Variants in DDX10 observed in about 807,000 individuals in gnomAD.
The protein encoded by DDX10 is DEAD-box helicase 10.
A neutral mutation model predicts 104.3 loss-of-function variants in DDX10; 74 were observed. That is an observed-to-expected ratio of 0.71 (90% CI 0.59 to 0.86). DDX10 has a LOEUF of 0.86. DDX10 is among the 40% of genes least tolerant of loss of function. The probability of loss-of-function intolerance (pLI) is 0.00; values close to 1 mark genes in which losing one functional copy is unlikely to be tolerated. For missense variants in DDX10, 952 were observed against 1,040.0 expected (o/e 0.92, Z 1.16); for synonymous variants, 351 against 353.4 (o/e 0.99, Z 0.08).
intron 7 of DDX10, 38 bp from the exon 8 acceptor site, chr11:108,691,838 C>A (rs1423123334): frequency 6.3e-7 from 1 of 1,581,070 alleles, no homozygotes; most frequent in East Asian, 2.3e-5. Context: ...TTGCTGCCAT[C>A]TGCCATAAGC....
chr11:108,666,461 C>A (rs2094210296), intron 1 of DDX10, among the ~76,000 whole-genome samples: 1 of 152,162 alleles, frequency 6.6e-6, no homozygotes, highest in Non-Finnish European at 1.5e-5. Context: ...GACTGGGTGA[C>A]ATGAGTGAGA....
At chr11:108,718,804 T>C (rs866020551) in intron 11 of DDX10, among the ~76,000 whole-genome samples, 1 of 152,226 alleles carries the variant, frequency 6.6e-6, no homozygotes, top group Non-Finnish European at 1.5e-5. Flanking sequence ...GATAAGCAAC[T>C]GAGGTGATTG....
intron 13 of DDX10, among the ~76,000 whole-genome samples, chr11:108,791,187 G>C (rs550074230): frequency 6.6e-6 from 1 of 152,322 alleles, no homozygotes; most frequent in South Asian, 2.1e-4. Context: ...CAGCTACCAT[G>C]CTGTGGGAAA....
intron 13 of DDX10, among the ~76,000 whole-genome samples, chr11:108,756,184 A>T (rs1327740875): frequency 6.6e-6 from 1 of 151,994 alleles, no homozygotes; most frequent in African/African-American, 2.4e-5. Flanking sequence ...ACTTTATCTA[A>T]TGTGATTTGT....
chr11:108,725,706 A>G (rs374528709), intron 13 of DDX10, among the ~76,000 whole-genome samples: 1 of 152,070 alleles, frequency 6.6e-6, no homozygotes, highest in Admixed American at 6.6e-5. Context: ...ATCCTTAATC[A>G]GATATATTTT....
At chr11:108,676,613 A>C (rs899013235) in intron 3 of DDX10, among the ~76,000 whole-genome samples, 1 of 152,020 alleles carries the variant, frequency 6.6e-6, no homozygotes, top group Non-Finnish European at 1.5e-5. Flanking sequence ...CGCCAAGCTG[A>C]TTTTTGTATT....
intron 17 of DDX10, among the ~76,000 whole-genome samples, chr11:108,935,660 C>G (rs957147100): frequency 6.6e-6 from 1 of 152,010 alleles, no homozygotes; most frequent in African/African-American, 2.4e-5. Flanking sequence ...ATATATAAGA[C>G]TGAAAAGTAA....
intron 16 of DDX10, 118 bp from the exon 17 acceptor site, chr11:108,917,755 A>C: frequency 1.0e-6 from 1 of 988,846 alleles, no homozygotes; most frequent in African/African-American, 1.6e-5. Context: ...CTACACCAGA[A>C]GAGAAAGCTA....
intron 13 of DDX10, among the ~76,000 whole-genome samples, chr11:108,813,220 A>T (rs1187155341): frequency 1.5e-4 from 23 of 152,194 alleles, no homozygotes; most frequent in Admixed American, 1.5e-3. Context: ...ATTTCAGTAG[A>T]TATTGTAAAT....
intron 16 of DDX10, among the ~76,000 whole-genome samples, chr11:108,897,370 A>C (rs993796153): frequency 2.6e-5 from 4 of 152,232 alleles, no homozygotes; most frequent in African/African-American, 7.2e-5. Flanking sequence ...GTGAGATAGG[A>C]AATCAAAAGC....
At chr11:108,875,688 C>T (rs937359959) in intron 16 of DDX10, among the ~76,000 whole-genome samples, 1 of 152,184 alleles carries the variant, frequency 6.6e-6, no homozygotes, top group African/African-American at 2.4e-5. Flanking sequence ...CTAAAGCTAA[C>T]ATCTAATATA....
intron 11 of DDX10, among the ~76,000 whole-genome samples, chr11:108,716,281 G>T (rs909075091): frequency 1.3e-5 from 2 of 152,058 alleles, no homozygotes; most frequent in African/African-American, 4.8e-5. Flanking sequence ...TTGTATTGTA[G>T]TAGAGACAGG....
chr11:108,880,316 T>C (rs1485071700), intron 16 of DDX10, among the ~76,000 whole-genome samples: 1 of 152,206 alleles, frequency 6.6e-6, no homozygotes, highest in African/African-American at 2.4e-5. Flanking sequence ...GGTCCTACCC[T>C]TATAACCTTA....
At chr11:108,890,444 A>G (rs972811949) in intron 16 of DDX10, among the ~76,000 whole-genome samples, 16 of 152,006 alleles carry the variant, frequency 1.1e-4, no homozygotes, top group African/African-American at 3.6e-4. Context: ...CCTATTCCAG[A>G]GCCGCTACTT....
At chr11:108,798,748 G>A (rs954492172) in intron 13 of DDX10, among the ~76,000 whole-genome samples, 1 of 152,158 alleles carries the variant, frequency 6.6e-6, no homozygotes, top group African/African-American at 2.4e-5. Flanking sequence ...ACTACAGGTT[G>A]CAGGGTGGGG....
At chr11:108,818,133 G>A (rs903752010) in intron 13 of DDX10, among the ~76,000 whole-genome samples, 3 of 152,176 alleles carry the variant, frequency 2.0e-5, no homozygotes, top group Non-Finnish European at 4.4e-5. Context: ...TCCTGTCAGC[G>A]TTCCCTGCCC....
At chr11:108,842,074 T>A (rs1862646091) in intron 15 of DDX10, among the ~76,000 whole-genome samples, 1 of 152,182 alleles carries the variant, frequency 6.6e-6, no homozygotes, top group African/African-American at 2.4e-5. Context: ...TACATTAAAT[T>A]TATTATATTA....
At chr11:108,705,850 A>T (rs73005530) in intron 9 of DDX10, among the ~76,000 whole-genome samples, 1 of 152,238 alleles carries the variant, frequency 6.6e-6, no homozygotes, top group Non-Finnish European at 1.5e-5. Context: ...TAGTAACTAC[A>T]GGATGTCTTG....
intron 16 of DDX10, among the ~76,000 whole-genome samples, chr11:108,870,289 C>T (rs1016701960): frequency 1.3e-5 from 2 of 152,064 alleles, no homozygotes; most frequent in African/African-American, 4.8e-5. Context: ...TTCTCTTATC[C>T]TCCCACTCTT....
Sources: allele counts gnomAD v4.1 joint callset (sites outside exome capture counted in the v4.1 genomes callset), GRCh38; gene constraint gnomAD v4.1.1; transcripts MANE v1.5; gene names NCBI Gene and HGNC (gene_info 2026-07-23, HGNC 2026-07-21).